The following IL1R1 variants were observed in gnomAD, a reference collection of about 807,000 sequenced individuals.
The protein encoded by IL1R1 is interleukin 1 receptor type 1.
Under a neutral mutation model 50.2 loss-of-function variants are expected in IL1R1, and 22 were observed. The ratio of observed to expected loss-of-function variants is 0.44; its 90% CI spans 0.31 to 0.63. The LOEUF (loss-of-function observed/expected upper bound fraction) is 0.63, where lower values mean the gene tolerates loss of function less well. Among genes scored for constraint, IL1R1 ranks in the 20% least tolerant of loss-of-function variants. The pLI, the probability that IL1R1 is intolerant of heterozygous loss-of-function variation, is 0.07. For synonymous variants in IL1R1, 251 were observed against 236.7 expected (o/e 1.06, Z -0.55); for missense variants, 509 against 676.2 (o/e 0.75, Z 2.74).
At chr2:102,071,791 G>A (rs1224306445) in intron 1 of IL1R1, among the ~76,000 whole-genome samples, 4 of 152,144 alleles carry the variant, frequency 2.6e-5, no homozygotes, top group African/African-American at 7.2e-5. Flanking sequence ...GCCTTAATGT[G>A]CCAAGAAGGA....
Position 102,129,461 on chromosome 2 carries a change from G to A in IL1R1, c.-83-24480G>A, listed in dbSNP as rs4851542. Among the ~76,000 whole-genome samples the A allele has an allele frequency of 9.9e-3, 1,511 of 152,314 alleles. 17 individuals carry two copies. Among genetic ancestry groups the A allele is most frequent in the Non-Finnish European group, 0.017 (1,189 of 68,020 alleles). ...CATAAGGGCCAATTATTGAGCATAGGTCAGATGACCAGTTAAGAAAGCTGC... is the reference window on the plus strand; with the variant it reads ...CATAAGGGCCAATTATTGAGCATAGATCAGATGACCAGTTAAGAAAGCTGC... On this transcript the variant is annotated intron_variant, in intron 1 of 10. Transcript: ENST00000409329.
At chr2:102,122,637 C>T (rs1489311970) in intron 1 of IL1R1, among the ~76,000 whole-genome samples, 1 of 152,166 alleles carries the variant, frequency 6.6e-6, no homozygotes, top group Non-Finnish European at 1.5e-5. Context: ...TCGTGAAACC[C>T]AAGAGCAAGG....
At chr2:102,092,605 G>A (rs1037748254) in intron 1 of IL1R1, among the ~76,000 whole-genome samples, 3 of 151,894 alleles carry the variant, frequency 2.0e-5, no homozygotes, top group Admixed American at 6.6e-5. Flanking sequence ...AATAACACTC[G>A]GGCCTGTTCT....
chr2:102,124,542 T>C (rs1164338617), intron 1 of IL1R1, among the ~76,000 whole-genome samples: 1 of 151,920 alleles, frequency 6.6e-6, no homozygotes, highest in Non-Finnish European at 1.5e-5. Flanking sequence ...ATAATCATTG[T>C]GGAAGGGGAA....
chr2:102,102,639 T>G (rs1345766618), upstream of IL1R1, among the ~76,000 whole-genome samples: 1 of 152,052 alleles, frequency 6.6e-6, no homozygotes, highest in East Asian at 1.9e-4. Context: ...ACCATTTGAC[T>G]CAGCCATCCC....
At chr2:102,142,626 G>A (rs1320334382), upstream of IL1R1, among the ~76,000 whole-genome samples, 2 of 151,812 alleles carry the variant, frequency 1.3e-5, no homozygotes, top group African/African-American at 4.8e-5. Context: ...CTGCTCCTCC[G>A]GGTGGAGAGT....
At chr2:102,075,845 A>G (rs1051625875) in intron 1 of IL1R1, among the ~76,000 whole-genome samples, 1 of 152,298 alleles carries the variant, frequency 6.6e-6, no homozygotes, top group East Asian at 1.9e-4. Flanking sequence ...GGGTGGCACA[A>G]TTGGCTTTAA....
Position 102,170,786 on chromosome 2 carries a change from C to T in IL1R1, c.722-1015C>T, listed in dbSNP as rs550594170. Among the ~76,000 whole-genome samples the T allele has an allele frequency of 5.3e-5, 8 of 152,306 alleles. No homozygotes were observed. The South Asian group carries it at 6.2e-4, about 12-fold the overall frequency. ...AATTTAAAGCATGCATCCAGCCAGG[C>T]GTGGTGGCTCAAGCCTGTAATTCCA... On this transcript the variant is annotated intron_variant, in intron 7 of 11. Coordinates refer to ENST00000410023, the MANE Select transcript of IL1R1 (RefSeq NM_000877.4).
chr2:102,103,899 G>A (rs1161614738), upstream of IL1R1, among the ~76,000 whole-genome samples: 9 of 148,724 alleles, frequency 6.1e-5, no homozygotes, highest in African/African-American at 2.0e-4. Flanking sequence ...GCTGAGGCAC[G>A]AGAATCACTT....
intron 1 of IL1R1, among the ~76,000 whole-genome samples, chr2:102,081,259 A>T (rs1679195154): frequency 6.6e-6 from 1 of 152,200 alleles, no homozygotes; most frequent in African/African-American, 2.4e-5. Context: ...AATATATGAG[A>T]GTATCTATTT....
At chr2:102,089,299 G>T (rs562333365) in intron 1 of IL1R1, among the ~76,000 whole-genome samples, 23 of 152,234 alleles carry the variant, frequency 1.5e-4, no homozygotes, top group African/African-American at 5.5e-4. Context: ...CAATATTGTT[G>T]CATCTCAGAG....
intron 1 of IL1R1, among the ~76,000 whole-genome samples, chr2:102,105,076 T>A (rs1357438012): frequency 6.6e-6 from 1 of 152,216 alleles, no homozygotes. Flanking sequence ...TTAAGATGTG[T>A]TTCTGAGTCA....
chr2:102,127,444 T>C (rs568258063), intron 1 of IL1R1, among the ~76,000 whole-genome samples: 3 of 152,258 alleles, frequency 2.0e-5, no homozygotes, highest in Admixed American at 2.0e-4. Flanking sequence ...ATATATAAAA[T>C]GCATCTACCA....
chr2:102,143,896 G>A (rs775583208), intron 1 of IL1R1, among the ~76,000 whole-genome samples: 11 of 152,192 alleles, frequency 7.2e-5, no homozygotes, highest in Non-Finnish European at 1.5e-4. Flanking sequence ...TGAGGCAAGG[G>A]ACACCATGAA....
intron 1 of IL1R1, among the ~76,000 whole-genome samples, chr2:102,097,396 T>C (rs974690404): frequency 3.9e-5 from 6 of 152,206 alleles, no homozygotes; most frequent in Non-Finnish European, 8.8e-5. Context: ...GTGGACCTCT[T>C]TCTGTTTCCT....
At chr2:102,153,206 G>C (rs1427399967) in intron 1 of IL1R1, among the ~76,000 whole-genome samples, 1 of 151,996 alleles carries the variant, frequency 6.6e-6, no homozygotes, top group African/African-American at 2.4e-5. Context: ...TTTTTTTCTG[G>C]CCTCTAGTAC....
chr2:102,074,977 C>T (rs530113372), intron 1 of IL1R1, among the ~76,000 whole-genome samples: 1 of 151,866 alleles, frequency 6.6e-6, no homozygotes, highest in Non-Finnish European at 1.5e-5. Context: ...TATATATTTT[C>T]ATTCTATATG....
At chr2:102,072,262 CAAAAA>C (rs1203487362) in intron 1 of IL1R1, among the ~76,000 whole-genome samples, 1 of 78,622 alleles carries the variant, frequency 1.3e-5, no homozygotes. Flanking sequence ...TCTGTGTCAC[CAAAAA>C]AAAAAAAAAA....
intron 1 of IL1R1, among the ~76,000 whole-genome samples, chr2:102,130,953 TCTC>T (rs1007949949): frequency 7.2e-5 from 11 of 152,126 alleles, no homozygotes; most frequent in African/African-American, 2.4e-4. Context: ...CCCTGTGACT[TCTC>T]CTGCTTACTG....
Sources: allele counts gnomAD v4.1 joint callset (sites outside exome capture counted in the v4.1 genomes callset), GRCh38; gene constraint gnomAD v4.1.1; transcripts MANE v1.5; gene names NCBI Gene and HGNC (gene_info 2026-07-23, HGNC 2026-07-21).